Variants in RNF150 observed in about 807,000 individuals in gnomAD.
RNF150 encodes the protein ring finger protein 150.
In RNF150, 24 loss-of-function variants were observed where a neutral mutation model predicts 39.3. The observed-to-expected ratio is 0.61, with a 90% CI of 0.44 to 0.86. The LOEUF (loss-of-function observed/expected upper bound fraction) is 0.86, where lower values mean the gene tolerates loss of function less well. Ranked by LOEUF, RNF150 falls within the 40% of genes least tolerant of loss-of-function variation. The pLI is 0.00. For synonymous variants in RNF150, 255 were observed against 227.3 expected, an observed-to-expected ratio of 1.12 and a Z score of -1.10; for missense variants, 502 against 587.8, an observed-to-expected ratio of 0.85 and a Z score of 1.51.
chr4:141,038,088 C>A (rs956622694), intron 1 of RNF150, among the ~76,000 whole-genome samples: 1 of 152,156 alleles, frequency 6.6e-6, no homozygotes, highest in African/African-American at 2.4e-5. Context: ...TCTGGGATAT[C>A]AGGTTAGTCA....
intron 5 of RNF150, among the ~76,000 whole-genome samples, chr4:140,921,532 C>G (rs1258331672): frequency 6.6e-6 from 1 of 152,104 alleles, no homozygotes; most frequent in Non-Finnish European, 1.5e-5. Context: ...CGAATTCTAC[C>G]AGAGGTACAA....
At chr4:141,133,831 C>T (rs1303768806), upstream of RNF150, among the ~76,000 whole-genome samples, 1 of 152,118 alleles carries the variant, frequency 6.6e-6, no homozygotes, top group African/African-American at 2.4e-5. Context: ...CCAAAGCTAC[C>T]TCTGGAATAC....
At chr4:140,924,871 C>G (rs940610532) in intron 5 of RNF150, among the ~76,000 whole-genome samples, 5 of 152,292 alleles carry the variant, frequency 3.3e-5, no homozygotes, top group Non-Finnish European at 5.9e-5. Context: ...ATGGAGGCAG[C>G]TGGCACAGGG....
intron 5 of RNF150, among the ~76,000 whole-genome samples, chr4:140,920,774 C>T (rs999479199): frequency 4.0e-5 from 6 of 151,832 alleles, no homozygotes; most frequent in African/African-American, 1.5e-4. Flanking sequence ...ATAGCAAAGA[C>T]TTGGAACCAA....
At chr4:141,112,891 A>C (rs1221572057) in intron 1 of RNF150, among the ~76,000 whole-genome samples, 1 of 151,838 alleles carries the variant, frequency 6.6e-6, no homozygotes, top group Non-Finnish European at 1.5e-5. Context: ...CTTTTCATAC[A>C]GTCCCATATT....
At chr4:140,943,239 T>A (rs1012131017) in intron 4 of RNF150, among the ~76,000 whole-genome samples, 1 of 152,140 alleles carries the variant, frequency 6.6e-6, no homozygotes, top group African/African-American at 2.4e-5. Context: ...GCACAAATAA[T>A]CTAAAAAAGA....
At chr4:140,988,904 C>CA (rs1420510657) in intron 1 of RNF150, among the ~76,000 whole-genome samples, 2 of 151,972 alleles carry the variant, frequency 1.3e-5, no homozygotes, top group African/African-American at 2.4e-5. Flanking sequence ...ATCACAAGGA[C>CA]AAAAAACCAA....
intron 1 of RNF150, among the ~76,000 whole-genome samples, chr4:141,085,850 T>C (rs1271694461): frequency 6.6e-6 from 1 of 152,050 alleles, no homozygotes; most frequent in Non-Finnish European, 1.5e-5. Flanking sequence ...TATAAGACAC[T>C]AGAGGAAAGA....
intron 6 of RNF150, among the ~76,000 whole-genome samples, chr4:140,893,038 G>T (rs1415959014): frequency 1.3e-5 from 2 of 152,080 alleles, no homozygotes; most frequent in Non-Finnish European, 2.9e-5. Context: ...TTGCAATCCA[G>T]CCTGGGAGAT....
At chr4:141,146,072 A>G (rs1727196152) in intron 1 of RNF150, among the ~76,000 whole-genome samples, 1 of 152,216 alleles carries the variant, frequency 6.6e-6, no homozygotes, top group Admixed American at 6.5e-5. Context: ...TTGACTGGTT[A>G]AATATTTCCG....
In RNF150 at chr4:140,865,827, C is replaced by G. The variant is rs1362324049; in HGVS notation, c.*2434G>C. The G allele has an allele frequency of 1.3e-5, 2 of 152,564 alleles. No individual in the cohort carries two copies. The highest frequency in any genetic ancestry group is 2.9e-5 in the Non-Finnish European group (2 of 68,036). 9.5% of individuals were successfully genotyped at this position (152,564 alleles called of 1,614,324 possible). On this transcript the variant is annotated 3_prime_UTR_variant, in exon 7 of 7. Transcript: ENST00000515673. ...CTCGTTAATCAGAGGACTAAACAAT[C>G]CAAAGCGCATTCTCTCTCTGGGAAT...
At chr4:141,160,990 A>G (rs1380698681) in intron 1 of RNF150, among the ~76,000 whole-genome samples, 2 of 152,224 alleles carry the variant, frequency 1.3e-5, no homozygotes, top group Non-Finnish European at 2.9e-5. Context: ...CTATAAGGAT[A>G]CCTGAAAATA....
intron 1 of RNF150, among the ~76,000 whole-genome samples, chr4:141,095,437 G>A (rs550288216): frequency 1.3e-5 from 2 of 152,050 alleles, no homozygotes; most frequent in Non-Finnish European, 2.9e-5. Context: ...CAAAAAAAAA[G>A]AACTCAAATT....
chr4:141,050,477 G>T (rs2110888060), intron 1 of RNF150, among the ~76,000 whole-genome samples: 1 of 152,224 alleles, frequency 6.6e-6, no homozygotes, highest in Middle Eastern at 3.4e-3. Flanking sequence ...CCTATGTGCA[G>T]AATCAAAAGC....
chr4:141,040,990 T>C (rs1399465766), intron 1 of RNF150, among the ~76,000 whole-genome samples: 1 of 152,162 alleles, frequency 6.6e-6, no homozygotes, highest in Non-Finnish European at 1.5e-5. Flanking sequence ...AACTTTTAAC[T>C]TTTAAAAGTG....
At chr4:141,182,150 C>T (rs1055720092) in intron 1 of RNF150, among the ~76,000 whole-genome samples, 2 of 148,720 alleles carry the variant, frequency 1.3e-5, no homozygotes, top group African/African-American at 5.0e-5. Flanking sequence ...TAAAAACTCT[C>T]AATAAATTAG....
intron 4 of RNF150, among the ~76,000 whole-genome samples, chr4:140,931,806 A>C (rs1731649443): frequency 6.6e-6 from 1 of 152,262 alleles, no homozygotes. Context: ...AGACAACTGC[A>C]TAATGATGCA....
intron 1 of RNF150, among the ~76,000 whole-genome samples, chr4:141,086,012 A>G: frequency 6.9e-6 from 1 of 145,034 alleles, no homozygotes; most frequent in Middle Eastern, 3.5e-3. Context: ...AGCTTAAACG[A>G]TAAGTGAGAA....
intron 1 of RNF150, among the ~76,000 whole-genome samples, chr4:141,048,084 G>A (rs529220598): frequency 2.6e-5 from 4 of 152,186 alleles, no homozygotes; most frequent in South Asian, 2.1e-4. Flanking sequence ...ACTTCCTATC[G>A]GGTCCTCAAA....
Sources: gnomAD v4.1 joint callset for allele counts (sites outside exome capture counted in the v4.1 genomes callset) on GRCh38, gnomAD v4.1.1 for gene constraint, MANE v1.5 for transcripts, NCBI Gene and HGNC (gene_info 2026-07-23, HGNC 2026-07-21) for gene names.